Variants in PALLD observed in about 807,000 individuals in gnomAD.
PALLD encodes the protein palladin, cytoskeletal associated protein, also known as palladin.
A neutral mutation model predicts 123.5 loss-of-function variants in PALLD; 61 were observed. The ratio of observed to expected loss-of-function variants is 0.49; its 90% confidence interval spans 0.40 to 0.61. The LOEUF (loss-of-function observed/expected upper bound fraction) is 0.61. Among genes scored for constraint, PALLD ranks in the 20% least tolerant of loss-of-function variants. The pLI, the probability that PALLD is intolerant of heterozygous loss-of-function variation, is 0.00. For synonymous variants in PALLD, 465 were observed against 496.4 expected, an observed-to-expected ratio of 0.94 and a Z score of 0.84; for missense variants, 1,273 against 1,377.0, an observed-to-expected ratio of 0.92 and a Z score of 1.20.
intron 12 of PALLD, 186 bp downstream of exon 12, chr4:168,894,863 T>G: frequency 2.3e-6 from 2 of 883,934 alleles, no homozygotes; most frequent in Non-Finnish European, 3.4e-6. Flanking sequence ...GTTAAGTGAC[T>G]GACAGAATTC....
intron 10 of PALLD, among the ~76,000 whole-genome samples, chr4:168,858,581 G>C (rs1462985910): frequency 6.6e-6 from 1 of 151,876 alleles, no homozygotes; most frequent in Non-Finnish European, 1.5e-5. Flanking sequence ...TTAGGAATTG[G>C]AGACCAGCTT....
At chr4:168,635,786 G>T (rs1776286512) in intron 2 of PALLD, among the ~76,000 whole-genome samples, 1 of 152,178 alleles carries the variant, frequency 6.6e-6, no homozygotes, top group Admixed American at 6.5e-5. Flanking sequence ...AGCCAGCCTG[G>T]ATTCCCGCAG....
At chr4:168,669,885 G>T (rs904343373) in intron 3 of PALLD, among the ~76,000 whole-genome samples, 1 of 151,744 alleles carries the variant, frequency 6.6e-6, no homozygotes, top group Non-Finnish European at 1.5e-5. Context: ...TATAACTGAG[G>T]CCTGGAGAGG....
intron 17 of PALLD, among the ~76,000 whole-genome samples, chr4:168,916,281 G>A (rs551597541): frequency 1.1e-4 from 17 of 152,006 alleles, no homozygotes; most frequent in Admixed American, 5.2e-4. Flanking sequence ...GCGTGGTGGC[G>A]TGTGCCTATA....
intron 14 of PALLD, among the ~76,000 whole-genome samples, chr4:168,902,700 T>C (rs1756797522): frequency 6.6e-6 from 1 of 152,134 alleles, no homozygotes; most frequent in South Asian, 2.1e-4. Context: ...ACTGGTTTTG[T>C]TTAAAAGTGA....
chr4:168,732,555 A>G (rs957494495), intron 10 of PALLD, among the ~76,000 whole-genome samples: 1 of 152,224 alleles, frequency 6.6e-6, no homozygotes, highest in Admixed American at 6.5e-5. Context: ...AAATGTTTAA[A>G]AAGTGAAAAT....
intron 10 of PALLD, among the ~76,000 whole-genome samples, chr4:168,824,733 C>T (rs924465360): frequency 5.3e-5 from 8 of 150,656 alleles, no homozygotes; most frequent in Non-Finnish European, 8.8e-5. Context: ...GTATAACTCA[C>T]TTAAGGGGCC....
chr4:168,643,519 C>T (rs1363186617), intron 2 of PALLD, among the ~76,000 whole-genome samples: 1 of 152,150 alleles, frequency 6.6e-6, no homozygotes, highest in Non-Finnish European at 1.5e-5. Context: ...TGAGTATCTA[C>T]CCAGCCATTA....
chr4:168,581,843 G>A (rs998274979), intron 2 of PALLD, among the ~76,000 whole-genome samples: 1 of 151,850 alleles, frequency 6.6e-6, no homozygotes, highest in Non-Finnish European at 1.5e-5. Context: ...CCTAACCAAT[G>A]TCAAGGTTTT....
chr4:168,587,872 G>A (rs138349300), intron 2 of PALLD, among the ~76,000 whole-genome samples: 1 of 152,072 alleles, frequency 6.6e-6, no homozygotes, highest in Non-Finnish European at 1.5e-5. Flanking sequence ...GCGCTCTTCA[G>A]GGGGGTGCAG....
intron 10 of PALLD, among the ~76,000 whole-genome samples, chr4:168,876,934 G>T (rs1477328873): frequency 2.0e-5 from 3 of 152,154 alleles, no homozygotes; most frequent in Non-Finnish European, 4.4e-5. Context: ...ATTGCTAGCT[G>T]CTTACTCTTA....
intron 5 of PALLD, among the ~76,000 whole-genome samples, chr4:168,683,968 G>T (rs1378418249): frequency 6.6e-6 from 1 of 152,114 alleles, no homozygotes; most frequent in East Asian, 1.9e-4. Context: ...GAATCAACAA[G>T]TATCAGTTAC....
At chr4:168,774,373 G>A (rs1500797) in intron 10 of PALLD, among the ~76,000 whole-genome samples, 52,834 of 151,744 alleles carry the variant, frequency 0.35, 9,962 homozygotes, top group East Asian at 0.55. Context: ...CATATTTAAC[G>A]TATGCAATGT....
At chr4:168,834,552 C>T (rs1344296882) in intron 10 of PALLD, among the ~76,000 whole-genome samples, 7 of 152,086 alleles carry the variant, frequency 4.6e-5, no homozygotes, top group Admixed American at 3.3e-4. Context: ...GCCTGACCAA[C>T]GTGGTGAAAC....
chr4:168,715,838 T>C (rs1018153111), intron 10 of PALLD, among the ~76,000 whole-genome samples: 8 of 152,046 alleles, frequency 5.3e-5, no homozygotes, highest in Non-Finnish European at 1.2e-4. Context: ...TAGTCCCAGC[T>C]ACTCGGGAGG....
chr4:168,800,729 C>T (rs1739205115), intron 10 of PALLD, among the ~76,000 whole-genome samples: 1 of 152,136 alleles, frequency 6.6e-6, no homozygotes, highest in Non-Finnish European at 1.5e-5. Context: ...GTTATGCAAA[C>T]TCTATGACCT....
chr4:168,899,746 A>T (rs1242508440), intron 14 of PALLD, among the ~76,000 whole-genome samples: 1 of 151,934 alleles, frequency 6.6e-6, no homozygotes, highest in Non-Finnish European at 1.5e-5. Flanking sequence ...GTGAAACCCC[A>T]TCTCTACTAA....
intron 2 of PALLD, among the ~76,000 whole-genome samples, chr4:168,592,256 C>G (rs779587123): frequency 1.3e-5 from 2 of 151,924 alleles, no homozygotes; most frequent in Non-Finnish European, 2.9e-5. Context: ...GAACTCCAGA[C>G]CTCATGATCC....
intron 10 of PALLD, among the ~76,000 whole-genome samples, chr4:168,808,649 C>G (rs567793605): frequency 6.6e-6 from 1 of 152,182 alleles, no homozygotes; most frequent in Non-Finnish European, 1.5e-5. Context: ...ATTTATTGGA[C>G]TTACAGTTCC....
Sources: gnomAD v4.1 joint callset for allele counts (sites outside exome capture counted in the v4.1 genomes callset) on GRCh38, gnomAD v4.1.1 for gene constraint, MANE v1.5 for transcripts, NCBI Gene and HGNC (gene_info 2026-07-23, HGNC 2026-07-21) for gene names.